RFXAP: variants seen among roughly 807,000 people sequenced by gnomAD.
The protein encoded by RFXAP is regulatory factor X-associated protein.
A neutral mutation model predicts 25.7 loss-of-function variants in RFXAP; 21 were observed. The observed-to-expected ratio is 0.82, with a 90% CI of 0.58 to 1.18. The LOEUF is 1.18. Among genes scored for constraint, RFXAP ranks in the 50% most tolerant of loss-of-function variants. RFXAP has a pLI of 0.00. For synonymous variants in RFXAP, 161 were observed against 152.2 expected (o/e 1.06, Z -0.43); for missense variants, 333 against 363.0 (o/e 0.92, Z 0.67).
Position 36,825,425 on chromosome 13 carries a change from C to G in RFXAP, c.601-3C>G, listed in dbSNP as rs753760685. 14 of 1,602,610 alleles carry G rather than the reference C, an allele frequency of 8.7e-6. No homozygotes were observed. Among genetic ancestry groups the G allele is most frequent in the Non-Finnish European group, 9.4e-6 (11 of 1,170,676 alleles). On this transcript the variant is annotated splice_polypyrimidine_tract_variant and splice_region_variant and intron_variant, in intron 1 of 2. Transcript: ENST00000255476. ...CTATTTGCATTTTTATCATTTATCC[C>G]AGGAAAGTGCAGATAACATACTCTC...
intron 1 of RFXAP, among the ~76,000 whole-genome samples, chr13:36,823,882 A>G (rs2057970396): frequency 6.6e-6 from 1 of 152,172 alleles, no homozygotes; most frequent in African/African-American, 2.4e-5. Context: ...GTAGACTTAT[A>G]TGGCATGATT....
In RFXAP at chr13:36,819,633, G is replaced by T. The variant is rs1593529954; in HGVS notation, c.276G>T (p.Leu92=). The part of the protein sequence containing the change: ...EEEAGEDEAD[L]LDTSDPPGGG... Reference sequence around the variant, plus strand: ...AGGCTGGGGAGGACGAGGCGGACCTGTTAGACACTTCGGACCCTCCGGGGG... The same window carrying T: ...AGGCTGGGGAGGACGAGGCGGACCTTTTAGACACTTCGGACCCTCCGGGGG... The change falls in exon 1 of 3, where the codon CTG becomes CTT. Residue 92 remains leucine (L), a synonymous_variant. Coordinates refer to ENST00000255476, the MANE Select transcript of RFXAP (RefSeq NM_000538.4). 2.6e-6 allele frequency: 4 copies of T among 1,546,812 alleles called. No homozygotes were observed. Among genetic ancestry groups the T allele is most frequent in the Non-Finnish European group, 3.5e-6 (4 of 1,143,692 alleles).
In RFXAP at chr13:36,819,433, C is replaced by T. The variant is rs1392033242; in HGVS notation, c.76C>T (p.Pro26Ser). The change falls in exon 1 of 3, where the codon CCG (proline) becomes TCG (serine). Residue 26 changes from proline to serine, a missense_variant. Pro to Ser is a moderately conservative substitution (Grantham distance 74). Coordinates refer to ENST00000255476, the MANE Select transcript of RFXAP (RefSeq NM_000538.4). ...CGTGCCCCACCCCGCGGCCCTAGCC[C>T]CGGCTGCGGCTCCCACCTTGGCGCC... Reference protein sequence around the residue: ...SGVPHPAALAPAAAPTLAPAS... With the variant: ...SGVPHPAALASAAAPTLAPAS... The T allele has an allele frequency of 1.4e-6, 2 of 1,448,118 alleles. No individual in the cohort carries two copies. The highest frequency in any genetic ancestry group is 9.1e-7 in the Non-Finnish European group (1 of 1,101,856). 89.7% of individuals were successfully genotyped at this position (1,448,118 alleles called of 1,614,324 possible). A position where few individuals can be genotyped will look rare whatever the true frequency, so the allele number is the denominator to read the frequency against.
rs183370317 is a variant in RFXAP, at chr13:36,819,654, G to A, written c.297G>A (p.Pro99=). 6.5e-7 allele frequency: 1 copy of A among 1,548,592 alleles called. No individual in the cohort carries two copies. The highest frequency in any genetic ancestry group is 1.7e-4 in the Middle Eastern group (1 of 5,984). The part of the protein sequence containing the change: ...EADLLDTSDP[P]GGGESAASLE... ...ACCTGTTAGACACTTCGGACCCTCC[G>A]GGGGGAGGCGAGAGCGCGGCTAGTT... Residue 99 remains proline, a synonymous_variant, in exon 1 of 3, where the codon CCG becomes CCA. Coordinates refer to ENST00000255476, the MANE Select transcript of RFXAP (RefSeq NM_000538.4).
rs2057952241 is a variant in RFXAP at position 36,819,241 on chromosome 13, T to G, written c.-117T>G. The G allele has an allele frequency of 3.7e-6, 4 of 1,071,214 alleles. No homozygotes were observed. In the South Asian group the frequency reaches 1.9e-4, roughly 52 times the overall value. The allele number at this position is 1,071,214 out of a possible 1,614,324, so 66.4% of individuals were successfully genotyped here. On this transcript the variant is annotated 5_prime_UTR_variant, in exon 1 of 3. Coordinates refer to ENST00000255476, the MANE Select transcript of RFXAP (RefSeq NM_000538.4). Reference sequence around the variant, plus strand: ...TCGCGCAGGCGCAGTCGGGGCGCCTTCCCGGTATAGGCGCCTTTTACCCCA... The same window carrying G: ...TCGCGCAGGCGCAGTCGGGGCGCCTGCCCGGTATAGGCGCCTTTTACCCCA...
chr13:36,820,803 T>G (rs1218780977), intron 1 of RFXAP, among the ~76,000 whole-genome samples: 1 of 152,222 alleles, frequency 6.6e-6, no homozygotes, highest in African/African-American at 2.4e-5. Context: ...CCTTGTGGCT[T>G]GAATAGGTTA....
chr13:36,826,408 G>A (rs972393018), intron 2 of RFXAP, among the ~76,000 whole-genome samples: 1 of 151,964 alleles, frequency 6.6e-6, no homozygotes, highest in African/African-American at 2.4e-5. Context: ...TTATTTAAAC[G>A]ATTACGCACA....
chr13:36,827,765 A>G lies in RFXAP; in HGVS notation c.*12A>G, dbSNP rs777398650. 6.4e-7 allele frequency: 1 copy of G among 1,553,288 alleles called. No individual in the cohort carries two copies. The highest frequency in any genetic ancestry group is 8.7e-7 in the Non-Finnish European group (1 of 1,144,252). On this transcript the variant is annotated 3_prime_UTR_variant, in exon 3 of 3. Transcript: ENST00000255476. The stretch of plus-strand genomic sequence containing the variant: ...GAACATCAATGTGAGGGAACTTACC[A>G]AGAACATCTACATGGTTTTTTATCT...
intron 1 of RFXAP, among the ~76,000 whole-genome samples, 179 bp from the exon 2 acceptor site, chr13:36,825,249 A>C (rs1202262560): frequency 6.6e-6 from 1 of 152,220 alleles, no homozygotes; most frequent in Admixed American, 6.5e-5. Context: ...GGAATGTTAC[A>C]TTAAATTAAC....
Position 36,819,556 on chromosome 13 carries a change from G to A in RFXAP, c.199G>A (p.Ala67Thr), listed in dbSNP as rs1175360258. ...TGCGGCCCCCGGGGGCAGCGTTGGG[G>A]CGGGCAAGCCCGTTAGGTACCTGTG... ...EAAAPGGSVG[A>T]GKPVRYLCEG... The change falls in exon 1 of 3, where the codon GCG becomes ACG. Residue 67 changes from alanine to threonine, a missense_variant. Coordinates refer to ENST00000255476, the MANE Select transcript of RFXAP (RefSeq NM_000538.4). 6.6e-7 allele frequency: 1 copy of A among 1,524,174 alleles called. No individual in the cohort carries two copies. The highest frequency in any genetic ancestry group is 1.2e-5 in the South Asian group (1 of 80,030). The allele number at this position is 1,524,174 out of a possible 1,614,324, so 94.4% of individuals were successfully genotyped here.
At chr13:36,822,465 A>G (rs1161011116) in intron 1 of RFXAP, among the ~76,000 whole-genome samples, 1 of 151,980 alleles carries the variant, frequency 6.6e-6, no homozygotes, top group Non-Finnish European at 1.5e-5. Flanking sequence ...TTACATCTAC[A>G]GTGAGGAAAA....
intron 1 of RFXAP, among the ~76,000 whole-genome samples, chr13:36,823,122 A>C (rs765590042): frequency 5.9e-5 from 9 of 152,210 alleles, no homozygotes; most frequent in Admixed American, 1.3e-4. Context: ...TTTTACATAC[A>C]TGGAAACTGA....
rs1266956441 is a variant in RFXAP, at chr13:36,819,459, AGCCTCGGTGGCGGCCGCG to A, written c.108_125del (p.Val37_Ser42del). ...CGGCTGCGGCTCCCACCTTGGCGCC[AGCCTCGGTGGCGGCCGCG>A]GCCTCTCAATTCACCCTGCTAGTGA... On this transcript the variant is annotated inframe_deletion, in exon 1 of 3. Transcript: ENST00000255476. 1 of 1,508,688 alleles carries A rather than the reference AGCCTCGGTGGCGGCCGCG, an allele frequency of 6.6e-7. No homozygotes were observed. Among genetic ancestry groups the A allele is most frequent in the Non-Finnish European group, 8.9e-7 (1 of 1,128,388 alleles). 93.5% of individuals were successfully genotyped at this position (1,508,688 alleles called of 1,614,324 possible). A position where few individuals can be genotyped will look rare whatever the true frequency, so the allele number is the denominator to read the frequency against.
chr13:36,821,669 A>G (rs1473474036), intron 1 of RFXAP, among the ~76,000 whole-genome samples: 1 of 152,180 alleles, frequency 6.6e-6, no homozygotes, highest in African/African-American at 2.4e-5. Context: ...CTCAAAAACA[A>G]AAAGTATAAT....
chr13:36,826,676 C>A (rs894939717), intron 2 of RFXAP, among the ~76,000 whole-genome samples: 1 of 152,076 alleles, frequency 6.6e-6, no homozygotes, highest in Admixed American at 6.6e-5. Flanking sequence ...GCCTAAATGT[C>A]CAACAGTGTC....
In RFXAP at chr13:36,827,911, CT is replaced by C; in HGVS notation, c.*161del. On this transcript the variant is annotated 3_prime_UTR_variant, in exon 3 of 3. Transcript: ENST00000255476. ...CATTTGGGGATAAGTAAGTATTGCA[CT>C]TTGTGCATCTAATCTTTCAGATTAC... 1 of 616,416 alleles carries C rather than the reference CT, an allele frequency of 1.6e-6. No individual in the cohort carries two copies. The highest frequency in any genetic ancestry group is 2.2e-5 in the South Asian group (1 of 46,488). 38.2% of individuals were successfully genotyped at this position (616,416 alleles called of 1,614,324 possible). A position where few individuals can be genotyped will look rare whatever the true frequency, so the allele number is the denominator to read the frequency against.
chr13:36,828,942 ACT>A lies in RFXAP; in HGVS notation c.*1192_*1193del, dbSNP rs2057986915. 3.3e-5 allele frequency: 5 copies of A among 152,112 alleles called. No individual in the cohort carries two copies. 9.4% of individuals were successfully genotyped at this position (152,112 alleles called of 1,614,324 possible). On this transcript the variant is annotated 3_prime_UTR_variant, in exon 3 of 3. Transcript: ENST00000255476. ...CAAAAATTTGTTACTTGTTTTTTAAACTCTATATATAAAGTTCGACTTAATCA... is the reference window on the plus strand; with the variant it reads ...CAAAAATTTGTTACTTGTTTTTTAAACTATATATAAAGTTCGACTTAATCA...
chr13:36,821,450 C>T (rs1204796478), intron 1 of RFXAP, among the ~76,000 whole-genome samples: 3 of 151,812 alleles, frequency 2.0e-5, no homozygotes, highest in Non-Finnish European at 4.4e-5. Flanking sequence ...CGCTTGAGCC[C>T]GGAAGTTTGA....
chr13:36,820,034 G>A, intron 1 of RFXAP, 77 bp downstream of exon 1: 1 of 1,565,186 alleles, frequency 6.4e-7, no homozygotes, highest in African/African-American at 1.4e-5. Flanking sequence ...CATCTGCAGG[G>A]CCTGCCTCCC....
Sources: allele counts gnomAD v4.1 joint callset (sites outside exome capture counted in the v4.1 genomes callset), GRCh38; gene constraint gnomAD v4.1.1; transcripts MANE v1.5; gene names NCBI Gene and HGNC (gene_info 2026-07-23, HGNC 2026-07-21).